The following ZNF423 variants were observed in gnomAD, a reference collection of about 807,000 sequenced individuals.
ZNF423 encodes Ebf-associated zinc finger protein.
A neutral mutation model predicts 95.8 loss-of-function variants in ZNF423; 12 were observed. The observed-to-expected ratio is 0.13, with a 90% CI of 0.08 to 0.20. The LOEUF is 0.20. ZNF423 is among the 10% of genes least tolerant of loss of function. ZNF423 has a pLI of 1.00. For synonymous variants in ZNF423, 749 were observed against 711.9 expected (o/e 1.05, Z -0.83); for missense variants, 1,316 against 1,737.1 (o/e 0.76, Z 4.31).
At chr16:49,564,065 G>C (rs951109404) in intron 5 of ZNF423, among the ~76,000 whole-genome samples, 2 of 152,196 alleles carry the variant, frequency 1.3e-5, no homozygotes, top group South Asian at 2.1e-4. Flanking sequence ...CTGATGCTTA[G>C]AGCCACATCT....
At chr16:49,849,588 T>A (rs1241572292) in intron 1 of ZNF423, among the ~76,000 whole-genome samples, 7 of 152,126 alleles carry the variant, frequency 4.6e-5, no homozygotes, top group Non-Finnish European at 7.3e-5. Flanking sequence ...GCCTTTGAAT[T>A]TGACTTGTCA....
At chr16:49,617,210 G>A (rs903639547) in intron 5 of ZNF423, among the ~76,000 whole-genome samples, 12 of 152,162 alleles carry the variant, frequency 7.9e-5, no homozygotes, top group African/African-American at 2.9e-4. Context: ...GAGGCCAGTG[G>A]AAGAGGCCTT....
intron 2 of ZNF423, among the ~76,000 whole-genome samples, chr16:49,785,695 C>T (rs2034299654): frequency 6.6e-6 from 1 of 152,234 alleles, no homozygotes; most frequent in African/African-American, 2.4e-5. Context: ...CCAGCCATCC[C>T]CTTTGCAAGG....
At position 49,490,938 on chromosome 16, in the gene ZNF423, C is replaced by A; in HGVS notation, c.*337G>T. ...GCAAAGAAAAAAAATCACACTAATT[C>A]TTTTTTAAAAACTATCAATATAATA... On this transcript the variant is annotated 3_prime_UTR_variant, in exon 8 of 8. Coordinates refer to ENST00000563137, the MANE Select transcript of ZNF423 (RefSeq NM_001379286.1). 1 of 257,186 alleles carries A rather than the reference C, an allele frequency of 3.9e-6. No homozygotes were observed. Among genetic ancestry groups the A allele is most frequent in the South Asian group, 1.5e-4 (1 of 6,802 alleles). The allele number at this position is 257,186 out of a possible 1,614,324, so 15.9% of individuals were successfully genotyped here.
chr16:49,685,313 G>C lies in ZNF423; in HGVS notation c.301+45458C>G, dbSNP rs562520248. ...AACAGATATTAACAAGGCACCTACT[G>C]TGTGCCAGGCATGGACTAGGTGGGC... On this transcript the variant is annotated intron_variant, in intron 3 of 7. Coordinates refer to ENST00000563137, the MANE Select transcript of ZNF423 (RefSeq NM_001379286.1). 5.3e-5 allele frequency among the ~76,000 whole-genome samples: 8 copies of C among 152,322 alleles called. No homozygotes were observed. The South Asian group carries it at 1.7e-3, about 32-fold the overall frequency.
At chr16:49,616,957 T>C (rs1971896131) in intron 5 of ZNF423, among the ~76,000 whole-genome samples, 1 of 152,234 alleles carries the variant, frequency 6.6e-6, no homozygotes, top group Non-Finnish European at 1.5e-5. Flanking sequence ...TGGGACCTTT[T>C]CATACATTTT....
chr16:49,715,071 G>A (rs2032663146), intron 3 of ZNF423, among the ~76,000 whole-genome samples: 1 of 152,190 alleles, frequency 6.6e-6, no homozygotes, highest in Non-Finnish European at 1.5e-5. Context: ...ACAAATCACT[G>A]AGTAAGTATT....
intron 3 of ZNF423, among the ~76,000 whole-genome samples, chr16:49,679,126 TACACAGG>T (rs1379685408): frequency 8.5e-5 from 13 of 152,344 alleles, no homozygotes; most frequent in Admixed American, 3.3e-4. Context: ...TTGTTCAGTA[TACACAGG>T]GTCTCACTAT....
intron 3 of ZNF423, among the ~76,000 whole-genome samples, chr16:49,690,890 C>T (rs113218557): frequency 1.3e-5 from 2 of 152,122 alleles, no homozygotes; most frequent in African/African-American, 4.8e-5. Flanking sequence ...GGCTGCAGCT[C>T]CAGAGACAGC....
intron 2 of ZNF423, among the ~76,000 whole-genome samples, chr16:49,771,292 T>C (rs1269077833): frequency 4.3e-5 from 6 of 137,960 alleles, no homozygotes; most frequent in African/African-American, 1.3e-4. Flanking sequence ...AACCTCCACC[T>C]CTCAGGTTCA....
At chr16:49,502,049 G>A (rs1448177518) in intron 7 of ZNF423, among the ~76,000 whole-genome samples, 13 of 152,272 alleles carry the variant, frequency 8.5e-5, no homozygotes, top group East Asian at 1.9e-4. Context: ...GGGGGAAAAC[G>A]GAAGTAAAAT....
intron 2 of ZNF423, among the ~76,000 whole-genome samples, chr16:49,769,851 C>A (rs796203562): frequency 3.3e-5 from 5 of 151,936 alleles, no homozygotes; most frequent in African/African-American, 1.2e-4. Context: ...ACAGTGAAGT[C>A]CCTTCTGTCC....
At chr16:49,525,711 C>CT (rs1968577240) in intron 5 of ZNF423, among the ~76,000 whole-genome samples, 1 of 152,156 alleles carries the variant, frequency 6.6e-6, no homozygotes, top group Admixed American at 6.5e-5. Flanking sequence ...ATATGTGGCC[C>CT]TTGGAGGTGC....
chr16:49,770,767 A>C (rs535006289), intron 2 of ZNF423, among the ~76,000 whole-genome samples: 4 of 152,198 alleles, frequency 2.6e-5, no homozygotes, highest in African/African-American at 4.8e-5. Context: ...GCCCTACTAC[A>C]TCACCCACCA....
intron 1 of ZNF423, among the ~76,000 whole-genome samples, chr16:49,791,466 T>C (rs966363720): frequency 1.3e-5 from 2 of 152,204 alleles, no homozygotes; most frequent in African/African-American, 4.8e-5. Flanking sequence ...TTCCCTTACA[T>C]TTCATCTTTT....
chr16:49,492,969 C>T lies in ZNF423; in HGVS notation c.3850-1665G>A, dbSNP rs1314094764. On this transcript the variant is annotated intron_variant, in intron 7 of 7. Transcript: ENST00000563137. This position sits in a 1 kb window ranked among gnomAD's most constrained non-coding sequence, Gnocchi z 4.2. The stretch of plus-strand genomic sequence containing the variant: ...TGGGCACCGCAGTCTGCAAATCACC[C>T]GCATTCTGCACCAGACACAGTGCCA... Among the ~76,000 whole-genome samples the T allele has an allele frequency of 1.3e-5, 2 of 152,118 alleles. No individual in the cohort carries two copies. Among genetic ancestry groups the T allele is most frequent in the Non-Finnish European group, 2.9e-5 (2 of 68,006 alleles).
At chr16:49,819,523 C>G (rs2034908093) in intron 1 of ZNF423, among the ~76,000 whole-genome samples, 1 of 152,010 alleles carries the variant, frequency 6.6e-6, no homozygotes, top group African/African-American at 2.4e-5. Flanking sequence ...TCTCAGCTCA[C>G]TGCAACCTCC....
At chr16:49,857,824 C>T (rs2035387544), upstream of ZNF423, 1 of 152,330 alleles carries the variant, frequency 6.6e-6, no homozygotes, top group Non-Finnish European at 1.5e-5. This position sits in a 1 kb window ranked among gnomAD's most constrained non-coding sequence, Gnocchi z 6.2. Flanking sequence ...AGGTTTTACC[C>T]AGCCGCCAGG....
chr16:49,660,844 G>A (rs555281650), intron 3 of ZNF423, among the ~76,000 whole-genome samples: 8 of 152,164 alleles, frequency 5.3e-5, no homozygotes, highest in South Asian at 4.2e-4. Flanking sequence ...GGGGGGATGG[G>A]GGGGGAGCTT....
Sources: allele counts gnomAD v4.1 joint callset (sites outside exome capture counted in the v4.1 genomes callset), GRCh38; gene constraint gnomAD v4.1.1; non-coding constraint Gnocchi (gnomAD v3.1); transcripts MANE v1.5; gene names NCBI Gene and HGNC (gene_info 2026-07-23, HGNC 2026-07-21).